The following NAPRT variants were observed in gnomAD, a reference collection of about 807,000 sequenced individuals.
The protein encoded by NAPRT is nicotinate phosphoribosyltransferase.
A neutral mutation model predicts 60.7 loss-of-function variants in NAPRT; 66 were observed. The ratio of observed to expected loss-of-function variants is 1.09; its 90% CI spans 0.89 to 1.33. The LOEUF is 1.33. Among genes scored for constraint, NAPRT ranks in the 40% most tolerant of loss-of-function variants. NAPRT has a pLI of 0.00. For synonymous variants in NAPRT, 405 were observed against 335.7 expected, an observed-to-expected ratio of 1.21 and a Z score of -2.26; for missense variants, 818 against 731.5, an observed-to-expected ratio of 1.12 and a Z score of -1.36.
Position 143,576,155 on chromosome 8 carries a change from C to A in NAPRT, c.1030G>T (p.Val344Leu), listed in dbSNP as rs760433426. The A allele has an allele frequency of 1.4e-5, 23 of 1,597,388 alleles. No homozygotes were observed. The highest frequency in any genetic ancestry group is 1.0e-4 in the Admixed American group (6 of 58,554). ...ATGAGGACTGACTCCAGCCAGGGCA[C>A]CTGGAACCTGCCGCGTGGGTGGAGA... ...VFRAAAAQFQ[V>L]PWLESVLIVV... The change falls in exon 8 of 13, where the codon GTG (valine) becomes TTG (leucine). Residue 344 changes from valine to leucine, a missense_variant. Physicochemically the swap from Val to Leu is conservative, Grantham distance 32. Transcript: ENST00000449291.
chr8:143,575,273 C>CA lies in NAPRT; in HGVS notation c.1363dup (p.Trp455LeufsTer31). The CA allele has an allele frequency of 6.2e-7, 1 of 1,612,578 alleles. No individual in the cohort carries two copies. Among genetic ancestry groups the CA allele is most frequent in the South Asian group, 1.1e-5 (1 of 91,078 alleles). ...GCAGGGCTCCTGGGCCCCTGGAGGC[C>CA]ACACCCTCAGCTCCTGCCCAGCCTG... On this transcript the variant is annotated frameshift_variant, in exon 11 of 13. Coordinates refer to ENST00000449291, the MANE Select transcript of NAPRT (RefSeq NM_145201.6). LOFTEE classifies it high-confidence loss of function.
chr8:143,576,887 T>A (rs761538356), intron 5 of NAPRT, 45 bp from the exon 6 acceptor site: 2 of 1,557,256 alleles, frequency 1.3e-6, no homozygotes, highest in African/African-American at 2.7e-5. Context: ...GAATGCAGGA[T>A]GAGGCCTGGG....
downstream of NAPRT, chr8:143,574,699 A>C (rs1339512851): frequency 5.0e-6 from 5 of 997,758 alleles, no homozygotes; most frequent in Non-Finnish European, 7.7e-6. Flanking sequence ...CCTCGAGCTC[A>C]GATTCCCGAC....
At chr8:143,577,505 A>G in intron 3 of NAPRT, 106 bp from the exon 4 acceptor site, 1 of 1,462,204 alleles carries the variant, frequency 6.8e-7, no homozygotes, top group Non-Finnish European at 9.2e-7. Flanking sequence ...CTCCACCCTC[A>G]CCCAGCCCCT....
chr8:143,577,928 G>GC lies in NAPRT; in HGVS notation c.241dup (p.Ala81GlyfsTer147), dbSNP rs758370250. 1.9e-6 allele frequency: 3 copies of GC among 1,610,602 alleles called. No individual in the cohort carries two copies. In the South Asian group the frequency reaches 3.3e-5, roughly 18 times the overall value. On this transcript the variant is annotated frameshift_variant, in exon 2 of 13. Transcript: ENST00000449291. LOFTEE classifies it high-confidence loss of function. Reference sequence around the variant, plus strand: ...ATCCGTGTCTGGGGGCAGCACCGAGGCCAGGAACTGCACGTCTGGAAACGA... The same window carrying GC: ...ATCCGTGTCTGGGGGCAGCACCGAGGCCCAGGAACTGCACGTCTGGAAACGA...
chr8:143,577,367 A>C lies in NAPRT; in HGVS notation c.470T>G (p.Leu157Trp). Reference sequence around the variant, plus strand: ...CAGCCGCTTCTCTGGCCCTGCGATCAAGCGAAGCCGCGCTGCGTTGGTGGC... The same window carrying C: ...CAGCCGCTTCTCTGGCCCTGCGATCCAGCGAAGCCGCGCTGCGTTGGTGGC... ...LVATNAARLRLIAGPEKRLLE... is the reference protein window; with the variant it reads ...LVATNAARLRWIAGPEKRLLE... The change falls in exon 4 of 13, where the codon TTG (leucine) becomes TGG (tryptophan). Residue 157 changes from leucine to tryptophan, a missense_variant. Leu to Trp is a moderately conservative substitution (Grantham distance 61, BLOSUM62 -2). Coordinates refer to ENST00000449291, the MANE Select transcript of NAPRT (RefSeq NM_145201.6). 1.9e-6 allele frequency: 3 copies of C among 1,608,494 alleles called. No individual in the cohort carries two copies. Among genetic ancestry groups the C allele is most frequent in the Non-Finnish European group, 2.5e-6 (3 of 1,178,464 alleles).
At position 143,578,119 on chromosome 8, in the gene NAPRT, A is replaced by C. The variant is rs764397939; in HGVS notation, c.200T>G (p.Leu67Arg). ...GGCGTCCCGCAGGCGGAAGGCGCGC[A>C]GGAAGCGCACACAGTCGCGCAAGCC... Reference protein sequence around the residue: ...AAGLRDCVRFLRAFRLRDADV... With the variant: ...AAGLRDCVRFRRAFRLRDADV... The change falls in exon 1 of 13, where the codon CTG becomes CGG. Residue 67 changes from leucine (L) to arginine (R), a missense_variant. Physicochemically the swap from Leu to Arg is moderately radical, Grantham distance 102 (BLOSUM62 -2). Coordinates refer to ENST00000449291, the MANE Select transcript of NAPRT (RefSeq NM_145201.6). The C allele has an allele frequency of 6.6e-7, 1 of 1,525,764 alleles. No homozygotes were observed. The allele number at this position is 1,525,764 out of a possible 1,614,324, so 94.5% of individuals were successfully genotyped here.
chr8:143,575,798 G>A, intron 8 of NAPRT, 96 bp from the exon 9 acceptor site: 1 of 559,524 alleles, frequency 1.8e-6, no homozygotes, highest in Non-Finnish European at 2.6e-6. Flanking sequence ...ACTGCCCTGG[G>A]TGGGGAAGGG....
In NAPRT at chr8:143,575,073, G is replaced by A; in HGVS notation, c.1467C>T (p.Ser489=). 6.6e-7 allele frequency: 1 copy of A among 1,509,556 alleles called. No homozygotes were observed. The highest frequency in any genetic ancestry group is 8.9e-7 in the Non-Finnish European group (1 of 1,123,788). 93.5% of individuals were successfully genotyped at this position (1,509,556 alleles called of 1,614,324 possible). ...GGGCCAAGGCTCTAGACTCTGCCAG[G>A]GATGGGAGCGGCTCACACAGCTGCA... ...QQGQLCEPLP[S]LAESRALAQL... The change falls in exon 12 of 13, where the codon TCC becomes TCT. Residue 489 remains serine, a synonymous_variant. Coordinates refer to ENST00000449291, the MANE Select transcript of NAPRT (RefSeq NM_145201.6).
At position 143,575,206 on chromosome 8, in the gene NAPRT, G is replaced by A; in HGVS notation, c.1431C>T (p.Cys477=). The part of the protein sequence containing the change: ...PAQVEPLLRL[C]LQQGQLCEPL... ...GGGCAGCCACCTGTCCCTGCTGGAG[G>A]CAGAGCCGCAGTAGTGGCTCCACCT... The change falls in exon 11 of 13, where the codon TGC becomes TGT. Residue 477 remains cysteine, a synonymous_variant. Transcript: ENST00000449291. 6.2e-7 allele frequency: 1 copy of A among 1,610,354 alleles called. No individual in the cohort carries two copies. The highest frequency in any genetic ancestry group is 8.5e-7 in the Non-Finnish European group (1 of 1,178,812).
downstream of NAPRT, chr8:143,572,906 G>T: frequency 1.6e-6 from 1 of 618,760 alleles, no homozygotes; most frequent in Non-Finnish European, 2.6e-6. Context: ...TGGGCTGCTG[G>T]AGGGGAGTGG....
chr8:143,575,124 T>C (rs1282218606), intron 11 of NAPRT, 31 bp from the exon 12 acceptor site: 2 of 1,555,910 alleles, frequency 1.3e-6, no homozygotes, highest in Non-Finnish European at 1.7e-6. Context: ...AAGAGAAGCT[T>C]GGGGCTAGCT....
In NAPRT at chr8:143,577,638, C is replaced by A. The variant is rs1000423832; in HGVS notation, c.437+19G>T. 1 of 1,535,660 alleles carries A rather than the reference C, an allele frequency of 6.5e-7. No homozygotes were observed. Among genetic ancestry groups the A allele is most frequent in the Non-Finnish European group, 8.7e-7 (1 of 1,146,352 alleles). On this transcript the variant is annotated intron_variant, in intron 3 of 12. Coordinates refer to ENST00000449291, the MANE Select transcript of NAPRT (RefSeq NM_145201.6). ...GCCCATCCCATGCCCACGCTCCCTG[C>A]CAGTGGCCCGCAGCCCACCTGGCGT...
In NAPRT at chr8:143,576,138, T is replaced by C; in HGVS notation, c.1047A>G (p.Ser349=). The change falls in exon 8 of 13, where the codon TCA becomes TCG. Residue 349 remains serine, a synonymous_variant. Transcript: ENST00000449291. The stretch of plus-strand genomic sequence containing the variant: ...TGTTGTTGCTGACTACGATGAGGAC[T>C]GACTCCAGCCAGGGCACCTGGAACC... ...AAQFQVPWLE[S]VLIVVSNNID... 1 of 1,604,464 alleles carries C rather than the reference T, an allele frequency of 6.2e-7. No homozygotes were observed. The highest frequency in any genetic ancestry group is 8.5e-7 in the Non-Finnish European group (1 of 1,173,984).
chr8:143,577,952 G>C lies in NAPRT; in HGVS notation c.227-9C>G. ...GGCCAGGAACTGCACGTCTGGAAAC[G>C]AGGTAACTGCGCTGAGACCAGCGCG... On this transcript the variant is annotated splice_polypyrimidine_tract_variant and intron_variant, in intron 1 of 12. Transcript: ENST00000449291. 2.5e-6 allele frequency: 4 copies of C among 1,606,866 alleles called. No individual in the cohort carries two copies. The highest frequency in any genetic ancestry group is 3.4e-6 in the Non-Finnish European group (4 of 1,176,072).
intron 8 of NAPRT, 69 bp from the exon 9 acceptor site, chr8:143,575,771 G>A (rs1587047503): frequency 2.4e-6 from 2 of 841,006 alleles, no homozygotes; most frequent in Non-Finnish European, 3.2e-6. Context: ...ACTGCCCTGG[G>A]TGGGGAAGGA....
Position 143,575,177 on chromosome 8 carries a change from G to A in NAPRT, c.1446+14C>T, listed in dbSNP as rs146583220. Reference sequence around the variant, plus strand: ...CGGGGCTGGGGGTCAGGATGAGGGCGGTGGGGCAGCCACCTGTCCCTGCTG... The same window carrying A: ...CGGGGCTGGGGGTCAGGATGAGGGCAGTGGGGCAGCCACCTGTCCCTGCTG... On this transcript the variant is annotated intron_variant, in intron 11 of 12. Transcript: ENST00000449291. 2.2e-4 allele frequency: 352 copies of A among 1,600,684 alleles called. 1 individual carries two copies. The African/African-American group carries it at 4.4e-3, about 20-fold the overall frequency.
rs1162043202 is a variant in NAPRT at position 143,575,616 on chromosome 8, C to T, written c.1188+6G>A. 1.3e-6 allele frequency: 2 copies of T among 1,591,960 alleles called. No individual in the cohort carries two copies. The highest frequency in any genetic ancestry group is 1.7e-6 in the Non-Finnish European group (2 of 1,169,898). ...CCCCCACCTGGGCCCCCGACACTGTCCCTACCTTATAGACGCCACCCAGGG... is the reference window on the plus strand; with the variant it reads ...CCCCCACCTGGGCCCCCGACACTGTTCCTACCTTATAGACGCCACCCAGGG... On this transcript the variant is annotated splice_donor_region_variant and intron_variant, in intron 9 of 12. Coordinates refer to ENST00000449291, the MANE Select transcript of NAPRT (RefSeq NM_145201.6).
At chr8:143,577,992 G>T (rs773624050) in intron 1 of NAPRT, 49 bp from the exon 2 acceptor site, 1 of 1,578,864 alleles carries the variant, frequency 6.3e-7, no homozygotes, top group Non-Finnish European at 8.6e-7. Context: ...CAGACCGGTC[G>T]TGGGACATGG....
Sources: allele counts gnomAD v4.1 joint callset, GRCh38; gene constraint gnomAD v4.1.1; transcripts MANE v1.5; gene names NCBI Gene and HGNC (gene_info 2026-07-23, HGNC 2026-07-21).